The following GPRIN2 variants were observed in gnomAD, a reference collection of about 807,000 sequenced individuals.
GPRIN2 encodes G protein regulated inducer of neurite outgrowth 2, also known as G protein-regulated inducer of neurite outgrowth 2.
In GPRIN2, 1 loss-of-function variant was observed where a neutral mutation model predicts 0.3. That is an observed-to-expected ratio of 3.90 (90% CI 1.39 to 18.51). The LOEUF (loss-of-function observed/expected upper bound fraction) is 18.51. Among genes scored for constraint, GPRIN2 ranks in the 30% most tolerant of loss-of-function variants. The pLI, the probability that GPRIN2 is intolerant of heterozygous loss-of-function variation, is 0.11. For synonymous variants in GPRIN2, 361 were observed against 258.6 expected, an observed-to-expected ratio of 1.40 and a Z score of -3.80; for missense variants, 880 against 604.2, an observed-to-expected ratio of 1.46 and a Z score of -4.79.
intron 1 of GPRIN2, among the ~76,000 whole-genome samples, chr10:46,555,927 A>G (rs1252920182): frequency 6.6e-6 from 1 of 152,312 alleles, no homozygotes; most frequent in Admixed American, 6.5e-5. Context: ...CTGCGGGGCC[A>G]AAGGCCTGAA....
rs1841897271 is a variant in GPRIN2 at position 46,543,399 on chromosome 10, A to G, written c.*5961T>C. On this transcript the variant is annotated 3_prime_UTR_variant, in exon 3 of 3. Transcript: ENST00000374314. ...AACAAAGAGAACATGAAACCACAAA[A>G]GAAGAACAGATTAAAGAGAAATGGG... 6.6e-6 allele frequency among the ~76,000 whole-genome samples: 1 copy of G among 152,308 alleles called. No homozygotes were observed. The highest frequency in any genetic ancestry group is 1.5e-5 in the Non-Finnish European group (1 of 68,056).
chr10:46,549,616 T>G lies in GPRIN2; in HGVS notation c.1121A>C (p.Glu374Ala). Residue 374 changes from glutamate to alanine, a missense_variant, in exon 3 of 3, where the codon GAG (glutamate) becomes GCG (alanine). Coordinates refer to ENST00000374314, the MANE Select transcript of GPRIN2 (RefSeq NM_001385282.1). ...PEVTLGSSLE[E>A]VPSPVRDVRW... ...CACATCCCGCACAGGGGACGGCACC[T>G]CCTCCAGGCTGGACCCCAGAGTTAC... 3 of 1,614,156 alleles carry G rather than the reference T, an allele frequency of 1.9e-6. No homozygotes were observed. Among genetic ancestry groups the G allele is most frequent in the Non-Finnish European group, 2.5e-6 (3 of 1,179,920 alleles).
rs1841960846 is a variant in GPRIN2, at chr10:46,544,195, G to A, written c.*5165C>T. On this transcript the variant is annotated 3_prime_UTR_variant, in exon 3 of 3. Coordinates refer to ENST00000374314, the MANE Select transcript of GPRIN2 (RefSeq NM_001385282.1). ...TCCCCTGACCCTCAGTCACTTCCCAGAAACCACACAGAGGAGCCCGGGTGT... is the reference window on the plus strand; with the variant it reads ...TCCCCTGACCCTCAGTCACTTCCCAAAAACCACACAGAGGAGCCCGGGTGT... 6.6e-6 allele frequency among the ~76,000 whole-genome samples: 1 copy of A among 152,308 alleles called. No individual in the cohort carries two copies. Among genetic ancestry groups the A allele is most frequent in the Non-Finnish European group, 1.5e-5 (1 of 68,056 alleles).
At position 46,543,805 on chromosome 10, in the gene GPRIN2, G is replaced by T. The variant is rs1833020849; in HGVS notation, c.*5555C>A. Among the ~76,000 whole-genome samples, 2 of 152,426 alleles carry T rather than the reference G, an allele frequency of 1.3e-5. No homozygotes were observed. Among genetic ancestry groups the T allele is most frequent in the East Asian group, 3.8e-4 (2 of 5,196 alleles). ...GGGGCCAGACCTTCCTCCTTGCTGG[G>T]CTATCTCGGGCTTGGAGTGGGAGAA... On this transcript the variant is annotated 3_prime_UTR_variant, in exon 3 of 3. Transcript: ENST00000374314.
At position 46,545,200 on chromosome 10, in the gene GPRIN2, C is replaced by A. The variant is rs1832956696; in HGVS notation, c.*4160G>T. On this transcript the variant is annotated 3_prime_UTR_variant, in exon 3 of 3. Transcript: ENST00000374314. ...ATGTCAATGGGTGCACCCCCAGATGCCTGTGACTCCCTCTGGTGGTTTCTG... is the reference window on the plus strand; with the variant it reads ...ATGTCAATGGGTGCACCCCCAGATGACTGTGACTCCCTCTGGTGGTTTCTG... Among the ~76,000 whole-genome samples, 4 of 152,422 alleles carry A rather than the reference C, an allele frequency of 2.6e-5. No individual in the cohort carries two copies. Among genetic ancestry groups the A allele is most frequent in the African/African-American group, 9.6e-5 (4 of 41,604 alleles).
chr10:46,552,438 C>G (rs1352636737), intron 2 of GPRIN2, among the ~76,000 whole-genome samples: 1 of 152,312 alleles, frequency 6.6e-6, no homozygotes, highest in African/African-American at 2.4e-5. Flanking sequence ...AGGCAACAAC[C>G]TCCCCGACCA....
chr10:46,549,838 G>C lies in GPRIN2; in HGVS notation c.899C>G (p.Ala300Gly). The C allele has an allele frequency of 6.2e-7, 1 of 1,614,242 alleles. No homozygotes were observed. The highest frequency in any genetic ancestry group is 8.5e-7 in the Non-Finnish European group (1 of 1,180,060). The change falls in exon 3 of 3, where the codon GCT (alanine) becomes GGT (glycine). Residue 300 changes from alanine (A) to glycine (G), a missense_variant. Coordinates refer to ENST00000374314, the MANE Select transcript of GPRIN2 (RefSeq NM_001385282.1). ...AGAGCCAGGCTCTGGGACTAACCCA[G>C]CGGGACCCCAAAGGTGGGCACAGCA... Reference protein sequence around the residue: ...SHCCAHLWGPAGLVPEPGSRT... With the variant: ...SHCCAHLWGPGGLVPEPGSRT...
chr10:46,549,872 G>T lies in GPRIN2; in HGVS notation c.865C>A (p.His289Asn), dbSNP rs2131599396. The T allele has an allele frequency of 6.2e-7, 1 of 1,614,276 alleles. No homozygotes were observed. The highest frequency in any genetic ancestry group is 2.2e-5 in the East Asian group (1 of 44,896). Residue 289 changes from histidine (H) to asparagine (N), a missense_variant, in exon 3 of 3, where the codon CAT becomes AAT. Physicochemically the swap from His to Asn is moderately conservative, Grantham distance 68. Transcript: ENST00000374314. ...HCRLSGGLPG[H>N]SHCCAHLWGP... ...CAAAGGTGGGCACAGCAATGGGAAT[G>T]CCCAGGGAGCCCCCCAGACAACCTA...
chr10:46,547,584 C>T lies in GPRIN2; in HGVS notation c.*1776G>A, dbSNP rs1842281032. Among the ~76,000 whole-genome samples, 1 of 152,310 alleles carries T rather than the reference C, an allele frequency of 6.6e-6. No individual in the cohort carries two copies. Among genetic ancestry groups the T allele is most frequent in the East Asian group, 1.9e-4 (1 of 5,208 alleles). ...CACCCACCTGTCTAACCCCTGCATC[C>T]TCAAGACCCTACTTAGCTATGGCCC... On this transcript the variant is annotated 3_prime_UTR_variant, in exon 3 of 3. Transcript: ENST00000374314.
chr10:46,550,508 C>T lies in GPRIN2; in HGVS notation c.229G>A (p.Ala77Thr), dbSNP rs1832346170. ...CTGGGTCGCGCCTTGGGGCCAGAGG[C>T]CCGTGCTGGCTTCATGCTCTCAGGC... ...NPPESMKPARASGPKARPSAG... is the reference protein window; with the variant it reads ...NPPESMKPARTSGPKARPSAG... Residue 77 changes from alanine (A) to threonine (T), a missense_variant, in exon 3 of 3, where the codon GCC becomes ACC. Ala to Thr is a moderately conservative substitution (Grantham distance 58, BLOSUM62 0). Coordinates refer to ENST00000374314, the MANE Select transcript of GPRIN2 (RefSeq NM_001385282.1). 3.1e-6 allele frequency: 5 copies of T among 1,605,264 alleles called. No individual in the cohort carries two copies. In the East Asian group the frequency reaches 9.0e-5, roughly 29 times the overall value.
chr10:46,551,974 C>T (rs984253353), intron 2 of GPRIN2, among the ~76,000 whole-genome samples: 7 of 152,310 alleles, frequency 4.6e-5, no homozygotes, highest in Admixed American at 1.3e-4. Context: ...GATGTGTCGT[C>T]GGCACTCAGA....
chr10:46,548,280 C>T lies in GPRIN2; in HGVS notation c.*1080G>A, dbSNP rs936304804. Among the ~76,000 whole-genome samples, 6 of 152,306 alleles carry T rather than the reference C, an allele frequency of 3.9e-5. No individual in the cohort carries two copies. The highest frequency in any genetic ancestry group is 1.4e-4 in the African/African-American group (6 of 41,486). On this transcript the variant is annotated 3_prime_UTR_variant, in exon 3 of 3. Transcript: ENST00000374314. ...TCTGTCTCTCCAAGGCCCCTGGCCCCCACTGCCTAGCCTAGGTCAGGTCAT... is the reference window on the plus strand; with the variant it reads ...TCTGTCTCTCCAAGGCCCCTGGCCCTCACTGCCTAGCCTAGGTCAGGTCAT...
rs1832937833 is a variant in GPRIN2 at position 46,545,602 on chromosome 10, G to A, written c.*3758C>T. Reference sequence around the variant, plus strand: ...GCCCCAGCCAGAGGGCCAAGTCCCAGGCAGGGTGCAAAGCTGTGGGGCGAG... The same window carrying A: ...GCCCCAGCCAGAGGGCCAAGTCCCAAGCAGGGTGCAAAGCTGTGGGGCGAG... On this transcript the variant is annotated 3_prime_UTR_variant, in exon 3 of 3. Coordinates refer to ENST00000374314, the MANE Select transcript of GPRIN2 (RefSeq NM_001385282.1). Among the ~76,000 whole-genome samples the A allele has an allele frequency of 1.2e-4, 18 of 152,416 alleles. No homozygotes were observed. Among genetic ancestry groups the A allele is most frequent in the South Asian group, 1.0e-3 (5 of 4,834 alleles).
At chr10:46,554,404 G>C (rs1379869358) in intron 2 of GPRIN2, among the ~76,000 whole-genome samples, 181 bp downstream of exon 2, 4 of 152,294 alleles carry the variant, frequency 2.6e-5, no homozygotes, top group Non-Finnish European at 2.9e-5. Flanking sequence ...AGGAGGCTAC[G>C]CATGCATACA....
In GPRIN2 at chr10:46,546,297, C is replaced by T. The variant is rs757561327; in HGVS notation, c.*3063G>A. Reference sequence around the variant, plus strand: ...CTTCAGCTGTCGGGGGTCCTGAATGCCATGGAAGGAGAGCAGGTGGGCAGA... The same window carrying T: ...CTTCAGCTGTCGGGGGTCCTGAATGTCATGGAAGGAGAGCAGGTGGGCAGA... On this transcript the variant is annotated 3_prime_UTR_variant, in exon 3 of 3. Transcript: ENST00000374314. Among the ~76,000 whole-genome samples, 9 of 152,284 alleles carry T rather than the reference C, an allele frequency of 5.9e-5. No individual in the cohort carries two copies. The highest frequency in any genetic ancestry group is 1.3e-4 in the Non-Finnish European group (9 of 68,042).
Position 46,542,902 on chromosome 10 carries a change from G to A in GPRIN2, c.*6458C>T, listed in dbSNP as rs1427730716. 6.6e-6 allele frequency among the ~76,000 whole-genome samples: 1 copy of A among 152,310 alleles called. No homozygotes were observed. Among genetic ancestry groups the A allele is most frequent in the African/African-American group, 2.4e-5 (1 of 41,488 alleles). On this transcript the variant is annotated 3_prime_UTR_variant, in exon 3 of 3. Transcript: ENST00000374314. Reference sequence around the variant, plus strand: ...TGGCCTGCCTAAAGCCAGCAGATGGGTGCCACCCACCTGATGTACCTCTCT... The same window carrying A: ...TGGCCTGCCTAAAGCCAGCAGATGGATGCCACCCACCTGATGTACCTCTCT...
chr10:46,549,343 C>T lies in GPRIN2; in HGVS notation c.*17G>A, dbSNP rs1832748843. 34 of 1,463,304 alleles carry T rather than the reference C, an allele frequency of 2.3e-5. No homozygotes were observed. The highest frequency in any genetic ancestry group is 3.1e-5 in the Non-Finnish European group (34 of 1,109,380). The allele number at this position is 1,463,304 out of a possible 1,614,324, so 90.6% of individuals were successfully genotyped here. A position where few individuals can be genotyped will look rare whatever the true frequency, so the allele number is the denominator to read the frequency against. On this transcript the variant is annotated 3_prime_UTR_variant, in exon 3 of 3. Transcript: ENST00000374314. Reference sequence around the variant, plus strand: ...CTAAGTCAGTGGGCCCAGGCCAGCTCCAAGGGCCACAGCTCCTCACTCGGG... The same window carrying T: ...CTAAGTCAGTGGGCCCAGGCCAGCTTCAAGGGCCACAGCTCCTCACTCGGG...
upstream of GPRIN2, among the ~76,000 whole-genome samples, chr10:46,557,457 C>G (rs1831741024): frequency 6.7e-4 from 102 of 152,266 alleles, no homozygotes; most frequent in Non-Finnish European, 8.5e-4. Flanking sequence ...TCCCTGCCCA[C>G]GTGCCCCTAC....
Position 46,544,450 on chromosome 10 carries a change from A to G in GPRIN2, c.*4910T>C, listed in dbSNP as rs1832988887. On this transcript the variant is annotated 3_prime_UTR_variant, in exon 3 of 3. Coordinates refer to ENST00000374314, the MANE Select transcript of GPRIN2 (RefSeq NM_001385282.1). ...GCCATCTTCCCACCTCAACCCCCTG[A>G]GTAGCTGAGGCTACAGATGCACACC... Among the ~76,000 whole-genome samples, 1 of 152,426 alleles carries G rather than the reference A, an allele frequency of 6.6e-6. No homozygotes were observed. The highest frequency in any genetic ancestry group is 2.1e-4 in the South Asian group (1 of 4,834).
Sources: gnomAD v4.1 joint callset for allele counts (sites outside exome capture counted in the v4.1 genomes callset) on GRCh38, gnomAD v4.1.1 for gene constraint, MANE v1.5 for transcripts, NCBI Gene and HGNC (gene_info 2026-07-23, HGNC 2026-07-21) for gene names.